WWP1: variants seen among roughly 807,000 people sequenced by gnomAD.
WWP1 encodes the protein WW domain containing E3 ubiquitin protein ligase 1.
Under a neutral mutation model 130.6 loss-of-function variants are expected in WWP1, and 49 were observed. The ratio of observed to expected loss-of-function variants is 0.38; its 90% CI spans 0.30 to 0.48. WWP1 has a LOEUF of 0.48. Among genes scored for constraint, WWP1 ranks in the 20% least tolerant of loss-of-function variants. WWP1 has a pLI of 0.99. For missense variants in WWP1, 809 were observed against 1,100.6 expected, an observed-to-expected ratio of 0.74 and a Z score of 3.75; for synonymous variants, 332 against 367.8, an observed-to-expected ratio of 0.90 and a Z score of 1.11.
chr8:86,436,104 C>T (rs1158453161), intron 16 of WWP1, among the ~76,000 whole-genome samples: 1 of 152,136 alleles, frequency 6.6e-6, no homozygotes, highest in Non-Finnish European at 1.5e-5. Context: ...TTCATTCGTC[C>T]TCACAGCATC....
intron 3 of WWP1, among the ~76,000 whole-genome samples, chr8:86,380,111 T>C (rs2130357662): frequency 6.6e-6 from 1 of 152,318 alleles, no homozygotes; most frequent in Non-Finnish European, 1.5e-5. Flanking sequence ...GCAGTTCATA[T>C]ATTTATCAGT....
At chr8:86,457,800 G>A in intron 21 of WWP1, 121 bp from the exon 22 acceptor site, 1 of 731,060 alleles carries the variant, frequency 1.4e-6, no homozygotes, top group Admixed American at 2.5e-5. Flanking sequence ...ATCATTATAT[G>A]CCATGCATAT....
chr8:86,388,017 C>T (rs1433199397), intron 5 of WWP1, among the ~76,000 whole-genome samples: 1 of 152,156 alleles, frequency 6.6e-6, no homozygotes, highest in African/African-American at 2.4e-5. Context: ...GTTTGTAGAA[C>T]TAAAGTGTTT....
chr8:86,461,140 A>G, intron 22 of WWP1, 84 bp from the exon 23 acceptor site: 1 of 1,248,674 alleles, frequency 8.0e-7, no homozygotes, highest in Non-Finnish European at 1.2e-6. Context: ...ATTCAGTGTT[A>G]TTTAATTTCT....
At chr8:86,405,743 GCTAGTCTCAAT>G (rs969684147) in intron 8 of WWP1, among the ~76,000 whole-genome samples, 3 of 152,012 alleles carry the variant, frequency 2.0e-5, no homozygotes, top group African/African-American at 7.2e-5. Flanking sequence ...TATTGCCCAG[GCTAGTCTCAAT>G]CTCCTGGCCC....
intron 9 of WWP1, among the ~76,000 whole-genome samples, chr8:86,413,378 G>A (rs553693200): frequency 5.9e-5 from 9 of 152,202 alleles, no homozygotes; most frequent in Non-Finnish European, 1.0e-4. Flanking sequence ...GAACCTCATC[G>A]TCTAAGTGGT....
rs1178032688 is a variant in WWP1 at position 86,461,885 on chromosome 8, A to G, written c.2669+39A>G. On this transcript the variant is annotated intron_variant, in intron 24 of 24. Coordinates refer to ENST00000517970, the MANE Select transcript of WWP1 (RefSeq NM_007013.4). ...TCCTAAATACGAAGGTGAAAGCCACAGAGAATCTTTTGTTTTGTTTTTTTA... is the reference window on the plus strand; with the variant it reads ...TCCTAAATACGAAGGTGAAAGCCACGGAGAATCTTTTGTTTTGTTTTTTTA... 3.9e-6 allele frequency: 6 copies of G among 1,521,940 alleles called. No individual in the cohort carries two copies. The African/African-American group carries it at 8.3e-5, about 21-fold the overall frequency. The allele number at this position is 1,521,940 out of a possible 1,614,324, so 94.3% of individuals were successfully genotyped here. A position where few individuals can be genotyped will look rare whatever the true frequency, so the allele number is the denominator to read the frequency against.
At position 86,467,090 on chromosome 8, in the gene WWP1, T is replaced by A; in HGVS notation, c.*197T>A. 3 of 454,888 alleles carry A rather than the reference T, an allele frequency of 6.6e-6. No homozygotes were observed. The highest frequency in any genetic ancestry group is 1.2e-5 in the Non-Finnish European group (3 of 260,140). The allele number at this position is 454,888 out of a possible 1,614,324, so 28.2% of individuals were successfully genotyped here. A position where few individuals can be genotyped will look rare whatever the true frequency, so the allele number is the denominator to read the frequency against. On this transcript the variant is annotated 3_prime_UTR_variant, in exon 25 of 25. Coordinates refer to ENST00000517970, the MANE Select transcript of WWP1 (RefSeq NM_007013.4). ...TTATTTATTGTTCCCTTGAAATGAC[T>A]GACCAGGAAAAAGATCATCCTTAAA... is the stretch of plus-strand genomic sequence containing the variant.
chr8:86,377,752 T>C (rs1367555411), intron 3 of WWP1, among the ~76,000 whole-genome samples: 2 of 152,202 alleles, frequency 1.3e-5, no homozygotes, highest in Non-Finnish European at 2.9e-5. Flanking sequence ...AACAGGAAAC[T>C]GTCAGAAGCA....
At chr8:86,362,260 T>C (rs1227954725) in intron 1 of WWP1, among the ~76,000 whole-genome samples, 1 of 145,538 alleles carries the variant, frequency 6.9e-6, no homozygotes, top group Admixed American at 6.9e-5. Context: ...TCTTTGATTA[T>C]TGATCACCTT....
At chr8:86,414,464 T>C (rs1020180540) in intron 9 of WWP1, among the ~76,000 whole-genome samples, 1 of 152,162 alleles carries the variant, frequency 6.6e-6, no homozygotes, top group African/African-American at 2.4e-5. Flanking sequence ...GGAGATAGAA[T>C]AGAAAAAGAG....
At chr8:86,379,243 G>T (rs377000797) in intron 3 of WWP1, among the ~76,000 whole-genome samples, 1 of 152,160 alleles carries the variant, frequency 6.6e-6, no homozygotes, top group Admixed American at 6.6e-5. Context: ...AACGATGAAG[G>T]ATGGAAATGA....
chr8:86,435,249 C>T (rs1336127321), intron 14 of WWP1, among the ~76,000 whole-genome samples: 3 of 152,166 alleles, frequency 2.0e-5, no homozygotes, highest in Non-Finnish European at 1.5e-5. Flanking sequence ...CAATGTCCTT[C>T]TTTGTGTATA....
rs1301921106 is a variant in WWP1, at chr8:86,467,062, A to G, written c.*169A>G. 2 of 534,382 alleles carry G rather than the reference A, an allele frequency of 3.7e-6. No homozygotes were observed. Among genetic ancestry groups the G allele is most frequent in the African/African-American group, 2.0e-5 (1 of 50,144 alleles). 33.1% of individuals were successfully genotyped at this position (534,382 alleles called of 1,614,324 possible). A position where few individuals can be genotyped will look rare whatever the true frequency, so the allele number is the denominator to read the frequency against. On this transcript the variant is annotated 3_prime_UTR_variant, in exon 25 of 25. Coordinates refer to ENST00000517970, the MANE Select transcript of WWP1 (RefSeq NM_007013.4). ...TATGCAAAACAGTTCATCCTTTTCT[A>G]CTTTATTTATTGTTCCCTTGAAATG...
At position 86,354,927 on chromosome 8, in the gene WWP1, T is replaced by C. The variant is rs988503759; in HGVS notation, c.-115+11997T>C. ...AGAAAGAGTTCCACTTTCCCACAGT[T>C]AATATTAACACCTTTTTTTAAAAAA... On this transcript the variant is annotated intron_variant, in intron 1 of 24. Coordinates refer to ENST00000517970, the MANE Select transcript of WWP1 (RefSeq NM_007013.4). 3.3e-5 allele frequency among the ~76,000 whole-genome samples: 5 copies of C among 152,264 alleles called. No homozygotes were observed. The South Asian group carries it at 6.2e-4, about 19-fold the overall frequency.
intron 5 of WWP1, among the ~76,000 whole-genome samples, chr8:86,390,318 C>G (rs561527298): frequency 6.6e-6 from 1 of 152,172 alleles, no homozygotes; most frequent in Non-Finnish European, 1.5e-5. Context: ...GCTGCAATCT[C>G]GGCACTTTGG....
chr8:86,427,571 G>C (rs1809703209), intron 10 of WWP1, 72 bp from the exon 11 acceptor site: 3 of 1,424,870 alleles, frequency 2.1e-6, no homozygotes, highest in Non-Finnish European at 2.8e-6. Context: ...TATTTAAATT[G>C]AGTGAAGTAA....
intron 9 of WWP1, among the ~76,000 whole-genome samples, chr8:86,424,729 G>A (rs1337771123): frequency 6.6e-6 from 1 of 151,280 alleles, no homozygotes; most frequent in Admixed American, 6.6e-5. Flanking sequence ...CAGGCAGGGA[G>A]GTTGCAGTGA....
chr8:86,418,750 C>T (rs760967845), intron 9 of WWP1, among the ~76,000 whole-genome samples: 1 of 152,136 alleles, frequency 6.6e-6, no homozygotes, highest in Non-Finnish European at 1.5e-5. Flanking sequence ...GTCAGAGATA[C>T]TGTCCTAAAT....
Sources: allele counts gnomAD v4.1 joint callset (sites outside exome capture counted in the v4.1 genomes callset), GRCh38; gene constraint gnomAD v4.1.1; transcripts MANE v1.5; gene names NCBI Gene and HGNC (gene_info 2026-07-23, HGNC 2026-07-21).